The following VWF variants were observed in gnomAD, a reference collection of about 807,000 sequenced individuals.
VWF encodes the protein von Willebrand factor, also known as Factor VIII related antigen.
VWF carries 176 observed loss-of-function variants against 308.6 expected under a neutral mutation model. The observed-to-expected ratio is 0.57, with a 90% CI of 0.50 to 0.65. VWF has a LOEUF of 0.65. Among genes scored for constraint, VWF ranks in the 30% least tolerant of loss-of-function variants. VWF has a pLI of 0.00. For synonymous variants in VWF, 1,385 were observed against 1,443.4 expected (o/e 0.96, Z 0.92); for missense variants, 3,146 against 3,648.2 (o/e 0.86, Z 3.55).
chr12:6,111,006 C>T, intron 3 of VWF, 38 bp from the exon 4 acceptor site: 1 of 1,541,314 alleles, frequency 6.5e-7, no homozygotes, highest in Non-Finnish European at 9.0e-7. Context: ...GATTATTACT[C>T]CTCTCAAAAA....
intron 38 of VWF, among the ~76,000 whole-genome samples, chr12:5,991,054 C>T (rs962654061): frequency 6.6e-6 from 1 of 151,496 alleles, no homozygotes; most frequent in African/African-American, 2.4e-5. Flanking sequence ...AAATTGTTTC[C>T]ATGGGTAACT....
At chr12:5,953,322 A>G (rs986604746) in intron 48 of VWF, among the ~76,000 whole-genome samples, 174 bp downstream of exon 48, 4 of 152,220 alleles carry the variant, frequency 2.6e-5, no homozygotes, top group African/African-American at 9.7e-5. Context: ...TAAATAAAAG[A>G]GAAAATTCTG....
At chr12:6,071,467 T>A in intron 9 of VWF, 124 bp from the exon 10 acceptor site, 1 of 1,079,756 alleles carries the variant, frequency 9.3e-7, no homozygotes. Flanking sequence ...AGAAAAGAGC[T>A]GGTGCTAGCA....
In VWF at chr12:5,984,001, TAGATAGATAGATAGATAGACAGAC is replaced by T. The variant is rs1387252514; in HGVS notation, c.6977-771_6977-748del. ...ATAGATAGATAGATAGATAGATAGATAGATAGATAGATAGATAGACAGACAGACAGACAGACAGATAGATCAATC... is the reference window on the plus strand; with the variant it reads ...ATAGATAGATAGATAGATAGATAGATAGACAGACAGACAGATAGATCAATC... On this transcript the variant is annotated intron_variant, in intron 40 of 51. Coordinates refer to ENST00000261405, the MANE Select transcript of VWF (RefSeq NM_000552.5). Among the ~76,000 whole-genome samples, 310 of 120,446 alleles carry T rather than the reference TAGATAGATAGATAGATAGACAGAC, an allele frequency of 2.6e-3. 3 individuals carry two copies. Among genetic ancestry groups the T allele is most frequent in the African/African-American group, 7.9e-3 (263 of 33,436 alleles). The allele number at this position is 120,446 out of a possible 152,430, so 79.0% of individuals were successfully genotyped here.
At chr12:6,079,932 G>C (rs1451479876) in intron 6 of VWF, among the ~76,000 whole-genome samples, 1 of 152,084 alleles carries the variant, frequency 6.6e-6, no homozygotes, top group Admixed American at 6.5e-5. Context: ...CCAGGCTCAA[G>C]GAATGCAATA....
chr12:6,116,285 C>T (rs931136930), intron 3 of VWF, among the ~76,000 whole-genome samples: 1 of 152,180 alleles, frequency 6.6e-6, no homozygotes, highest in Non-Finnish European at 1.5e-5. Context: ...GTGATTAAGG[C>T]GCTGAGTGAG....
intron 47 of VWF, among the ~76,000 whole-genome samples, chr12:5,955,102 C>G (rs1046262235): frequency 1.3e-5 from 2 of 150,658 alleles, no homozygotes; most frequent in Admixed American, 1.3e-4. Context: ...ATGTCTAATA[C>G]ACAGTAAAAA....
chr12:6,103,371 T>TGTGTGTATACAC (rs1249648271), intron 5 of VWF, among the ~76,000 whole-genome samples: 26 of 134,492 alleles, frequency 1.9e-4, no homozygotes, highest in East Asian at 1.2e-3. Flanking sequence ...TATATATGTG[T>TGTGTGTATACAC]GTGTGTGTAT....
At chr12:6,091,262 G>A (rs1267959078) in intron 6 of VWF, among the ~76,000 whole-genome samples, 1 of 146,164 alleles carries the variant, frequency 6.8e-6, no homozygotes, top group Non-Finnish European at 1.5e-5. Flanking sequence ...CTAAAACGAA[G>A]CTTCCTCGTG....
rs754357872 is a variant in VWF, at chr12:6,065,191, C to A, written c.1239G>T (p.Leu413=). The stretch of plus-strand genomic sequence containing the variant: ...AGTGGTCCTGGCAATCCCGGGCCAG[C>A]AGGTACTGGCAGATCCCACTGAAGG... ...YFTFSGICQY[L]LARDCQDHSF... Residue 413 remains leucine (L), a synonymous_variant, in exon 11 of 52, where the codon CTG becomes CTT. Coordinates refer to ENST00000261405, the MANE Select transcript of VWF (RefSeq NM_000552.5). 18 of 1,614,062 alleles carry A rather than the reference C, an allele frequency of 1.1e-5. No homozygotes were observed. The African/African-American group carries it at 2.4e-4, about 22-fold the overall frequency.
At chr12:5,960,672 T>C (rs1268351473) in intron 47 of VWF, among the ~76,000 whole-genome samples, 1 of 152,176 alleles carries the variant, frequency 6.6e-6, no homozygotes, top group African/African-American at 2.4e-5. Flanking sequence ...GAATGAAAGG[T>C]TGGCTCACCA....
intron 16 of VWF, among the ~76,000 whole-genome samples, chr12:6,050,513 C>A (rs1471404451): frequency 1.3e-5 from 2 of 152,226 alleles, no homozygotes; most frequent in East Asian, 3.8e-4. Flanking sequence ...TCAGTGCTCA[C>A]CCCCTCACTT....
intron 4 of VWF, 118 bp downstream of exon 4, chr12:6,110,748 C>G (rs1461571258): frequency 2.0e-5 from 27 of 1,338,868 alleles, no homozygotes; most frequent in Non-Finnish European, 2.9e-5. Context: ...AGCCCTGCTA[C>G]TCACTTCCTT....
At position 6,018,509 on chromosome 12, in the gene VWF, G is replaced by T; in HGVS notation, c.4909C>A (p.Gln1637Lys). ...PIGVGPNANV[Q>K]ELERIGWPNA... ...GGCCAGCCAATCCTCTCCAGCTCCT[G>T]CACGTTGGCATTAGGGCCCACTCCA... is the stretch of plus-strand genomic sequence containing the variant. The change falls in exon 28 of 52, where the codon CAG becomes AAG. Residue 1637 changes from glutamine to lysine, a missense_variant. Physicochemically the swap from Gln to Lys is moderately conservative, Grantham distance 53. Transcript: ENST00000261405. 6.2e-7 allele frequency: 1 copy of T among 1,613,900 alleles called. No individual in the cohort carries two copies. Among genetic ancestry groups the T allele is most frequent in the Non-Finnish European group, 8.5e-7 (1 of 1,179,918 alleles).
chr12:6,123,664 G>A (rs1014489457), intron 1 of VWF, among the ~76,000 whole-genome samples: 1 of 152,174 alleles, frequency 6.6e-6, no homozygotes, highest in Non-Finnish European at 1.5e-5. Flanking sequence ...TTTGCTTGTT[G>A]GCCCCTGACT....
intron 34 of VWF, among the ~76,000 whole-genome samples, chr12:5,998,780 C>T (rs216800): frequency 0.31 from 47,216 of 151,710 alleles, 7,665 homozygotes; most frequent in East Asian, 0.5. Context: ...AAGGCCAGAG[C>T]GCAATGGCGC....
intron 6 of VWF, among the ~76,000 whole-genome samples, chr12:6,086,392 C>G (rs1298533058): frequency 2.0e-5 from 3 of 152,068 alleles, no homozygotes; most frequent in African/African-American, 7.2e-5. Context: ...GGTGGGCACC[C>G]CAACTCTAAA....
chr12:6,072,118 A>G (rs971370988), intron 9 of VWF, among the ~76,000 whole-genome samples: 2 of 152,140 alleles, frequency 1.3e-5, no homozygotes, highest in African/African-American at 4.8e-5. Context: ...TGACCTCCCC[A>G]TCTTCAAGGC....
At chr12:6,105,287 G>A (rs925426807) in intron 5 of VWF, among the ~76,000 whole-genome samples, 1 of 152,110 alleles carries the variant, frequency 6.6e-6, no homozygotes, top group Non-Finnish European at 1.5e-5. Context: ...AGAGTGCAGT[G>A]GGGCGATCTC....
Sources: gnomAD v4.1 joint callset for allele counts (sites outside exome capture counted in the v4.1 genomes callset) on GRCh38, gnomAD v4.1.1 for gene constraint, MANE v1.5 for transcripts, NCBI Gene and HGNC (gene_info 2026-07-23, HGNC 2026-07-21) for gene names.